KIF26B: variants seen among roughly 807,000 people sequenced by gnomAD.
The protein encoded by KIF26B is kinesin-like protein KIF26B.
In KIF26B, 63 loss-of-function variants were observed where a neutral mutation model predicts 151.2. The ratio of observed to expected loss-of-function variants is 0.42; its 90% CI spans 0.34 to 0.51. The LOEUF is 0.51. KIF26B is among the 20% of genes least tolerant of loss of function. The probability of loss-of-function intolerance (pLI) is 0.07; values close to 1 mark genes in which losing one functional copy is unlikely to be tolerated. For missense variants in KIF26B, 2,813 were observed against 2,913.6 expected, an observed-to-expected ratio of 0.97 and a Z score of 0.79; for synonymous variants, 1,357 against 1,262.1, an observed-to-expected ratio of 1.08 and a Z score of -1.59.
intron 3 of KIF26B, among the ~76,000 whole-genome samples, chr1:245,372,485 C>T (rs897199982): frequency 2.6e-5 from 4 of 151,998 alleles, no homozygotes; most frequent in Non-Finnish European, 5.9e-5. Flanking sequence ...AGCATAGTAC[C>T]CAAAAGGTGG....
chr1:245,240,672 C>T (rs12069436), intron 2 of KIF26B, among the ~76,000 whole-genome samples: 230 of 152,254 alleles, frequency 1.5e-3, no homozygotes, highest in African/African-American at 5.4e-3. Context: ...GGGGAGACAG[C>T]AGAGAAGAGC....
intron 9 of KIF26B, among the ~76,000 whole-genome samples, chr1:245,638,215 T>C (rs2043854781): frequency 6.6e-6 from 1 of 151,928 alleles, no homozygotes; most frequent in East Asian, 1.9e-4. Flanking sequence ...TTCACTTCTT[T>C]GGTTGAATTT....
chr1:245,540,270 G>A lies in KIF26B; in HGVS notation c.1167-497G>A, dbSNP rs1045993782. 2.7e-4 allele frequency among the ~76,000 whole-genome samples: 41 copies of A among 152,302 alleles called. No individual in the cohort carries two copies. Among genetic ancestry groups the A allele is most frequent in the African/African-American group, 9.4e-4 (39 of 41,568 alleles). ...CCAGTTTGATTTTTCCTGTTGCACT[G>A]GGGCTTGTGTTTTTCTTCCAGTGCC... On this transcript the variant is annotated intron_variant, in intron 4 of 14. Transcript: ENST00000407071. This position sits in a 1 kb window ranked among gnomAD's most constrained non-coding sequence, Gnocchi z 4.6.
intron 7 of KIF26B, among the ~76,000 whole-genome samples, chr1:245,608,143 A>C (rs1362503705): frequency 6.6e-6 from 1 of 152,170 alleles, no homozygotes; most frequent in African/African-American, 2.4e-5. Flanking sequence ...CCAGAGGAGC[A>C]ACCTCCAAGC....
At chr1:245,639,579 A>G (rs538204142) in intron 9 of KIF26B, among the ~76,000 whole-genome samples, 3 of 151,832 alleles carry the variant, frequency 2.0e-5, no homozygotes, top group Non-Finnish European at 3.0e-5. Flanking sequence ...TTTGGAGTCT[A>G]TATTTTTAAT....
In KIF26B at chr1:245,566,119, T is replaced by G. The variant is rs529560415; in HGVS notation, c.1350+25169T>G. Among the ~76,000 whole-genome samples the G allele has an allele frequency of 8.5e-5, 13 of 152,278 alleles. No individual in the cohort carries two copies. The East Asian group carries it at 2.5e-3, about 29-fold the overall frequency. The stretch of plus-strand genomic sequence containing the variant: ...CAGTCACCTCCCAGCAGGCCCCACC[T>G]CCAGCACTGGGGATTACATTTCAAC... On this transcript the variant is annotated intron_variant, in intron 5 of 14. Transcript: ENST00000407071.
intron 3 of KIF26B, among the ~76,000 whole-genome samples, chr1:245,398,052 G>A (rs187570997): frequency 1.3e-5 from 2 of 152,262 alleles, no homozygotes; most frequent in East Asian, 3.9e-4. Flanking sequence ...TCCATCTTTG[G>A]AGAATCTCAA....
At chr1:245,356,433 G>C (rs181786945) in intron 2 of KIF26B, among the ~76,000 whole-genome samples, 3 of 152,156 alleles carry the variant, frequency 2.0e-5, no homozygotes, top group Admixed American at 2.0e-4. Context: ...GCGGGCGCCT[G>C]TGATCCCAAG....
rs534273291 is a variant in KIF26B, at chr1:245,367,661, C to T, written c.999+294C>T. ...TCCTTGCTGGTCCAGGTGATGCCAGCGACTTCCCAGCCAGCAGATTTACCA... is the reference window on the plus strand; with the variant it reads ...TCCTTGCTGGTCCAGGTGATGCCAGTGACTTCCCAGCCAGCAGATTTACCA... On this transcript the variant is annotated intron_variant, in intron 3 of 14. Transcript: ENST00000407071. This position sits in a 1 kb window ranked among gnomAD's most constrained non-coding sequence, Gnocchi z 4.2. Among the ~76,000 whole-genome samples the T allele has an allele frequency of 3.9e-5, 6 of 152,316 alleles. No individual in the cohort carries two copies. Among genetic ancestry groups the T allele is most frequent in the East Asian group, 1.9e-4 (1 of 5,174 alleles).
At chr1:245,386,649 C>A (rs1053814411) in intron 3 of KIF26B, among the ~76,000 whole-genome samples, 2 of 152,196 alleles carry the variant, frequency 1.3e-5, no homozygotes, top group African/African-American at 2.4e-5. Context: ...TTTAAGATTG[C>A]CATTAGCATC....
chr1:245,279,306 CTT>C (rs5782332), intron 2 of KIF26B, among the ~76,000 whole-genome samples: 39 of 132,586 alleles, frequency 2.9e-4, no homozygotes, highest in Admixed American at 3.8e-4. Context: ...TTTTTTCTTT[CTT>C]TTTTTTTTTT....
intron 4 of KIF26B, among the ~76,000 whole-genome samples, chr1:245,442,229 TTC>T (rs1438515309): frequency 1.3e-5 from 2 of 152,190 alleles, no homozygotes; most frequent in African/African-American, 4.8e-5. Context: ...GTAGCCTTTT[TTC>T]TGTTACTGCA....
At chr1:245,435,756 A>T (rs1158625027) in intron 4 of KIF26B, among the ~76,000 whole-genome samples, 1 of 152,190 alleles carries the variant, frequency 6.6e-6, no homozygotes, top group Non-Finnish European at 1.5e-5. Context: ...GACAGGAGGG[A>T]TAGCAAGTGT....
intron 4 of KIF26B, among the ~76,000 whole-genome samples, chr1:245,422,286 C>A (rs557736307): frequency 6.6e-6 from 1 of 152,156 alleles, no homozygotes; most frequent in African/African-American, 2.4e-5. Context: ...TAGATTTCCC[C>A]CCCACCCTTT....
intron 3 of KIF26B, among the ~76,000 whole-genome samples, chr1:245,404,853 C>CA (rs1055187981): frequency 1.2e-4 from 19 of 152,084 alleles, no homozygotes; most frequent in East Asian, 1.2e-3. Flanking sequence ...CCAACAACAG[C>CA]AAAAAAAGAA....
At chr1:245,674,325 AATGTGAAACATGT>A (rs1420394351) in intron 10 of KIF26B, among the ~76,000 whole-genome samples, 1 of 152,242 alleles carries the variant, frequency 6.6e-6, no homozygotes, top group Non-Finnish European at 1.5e-5. Flanking sequence ...AACTTCAGAC[AATGTGAAACATGT>A]CAGAGTCGTG....
intron 4 of KIF26B, among the ~76,000 whole-genome samples, chr1:245,475,412 G>A (rs769663434): frequency 3.3e-5 from 5 of 151,734 alleles, no homozygotes; most frequent in African/African-American, 1.2e-4. Flanking sequence ...GACAGCCTGC[G>A]GCACCACTAG....
At chr1:245,351,262 T>C (rs1364586817) in intron 2 of KIF26B, among the ~76,000 whole-genome samples, 1 of 152,226 alleles carries the variant, frequency 6.6e-6, no homozygotes, top group Admixed American at 6.5e-5. Flanking sequence ...GGGCCCTTTT[T>C]GGTCCTGTTT....
intron 10 of KIF26B, among the ~76,000 whole-genome samples, chr1:245,670,648 G>C (rs901324169): frequency 4.7e-5 from 7 of 149,254 alleles, no homozygotes; most frequent in African/African-American, 1.8e-4. Flanking sequence ...CACAAATGAG[G>C]AGAGAAAATG....
Sources: allele counts gnomAD v4.1 joint callset (sites outside exome capture counted in the v4.1 genomes callset), GRCh38; gene constraint gnomAD v4.1.1; non-coding constraint Gnocchi (gnomAD v3.1); transcripts MANE v1.5; gene names NCBI Gene and HGNC (gene_info 2026-07-23, HGNC 2026-07-21).